Variants in MEGF11 observed in about 807,000 individuals in gnomAD.
MEGF11 encodes multiple EGF like domains 11.
In MEGF11, 126 loss-of-function variants were observed where a neutral mutation model predicts 146.6. The observed-to-expected ratio is 0.86, with a 90% CI of 0.74 to 1.00. MEGF11 has a LOEUF of 1.00. MEGF11 is among the 50% of genes least tolerant of loss of function. MEGF11 has a pLI of 0.00. For missense variants in MEGF11, 1,509 were observed against 1,521.2 expected (o/e 0.99, Z 0.13); for synonymous variants, 532 against 583.4 (o/e 0.91, Z 1.27).
chr15:66,240,025 G>A (rs1396117160), intron 1 of MEGF11, among the ~76,000 whole-genome samples: 1 of 152,174 alleles, frequency 6.6e-6, no homozygotes. Flanking sequence ...AGTGGCGGCT[G>A]GCATTCGCTT....
intron 23 of MEGF11, 71 bp from the exon 24 acceptor site, chr15:65,906,212 TTC>T (rs2078623033): frequency 2.0e-5 from 24 of 1,184,088 alleles, no homozygotes; most frequent in East Asian, 1.3e-4. Context: ...GTGTTCTTCT[TTC>T]TTTTCTTGCT....
chr15:65,975,786 A>G (rs1418092407), intron 7 of MEGF11, among the ~76,000 whole-genome samples: 1 of 152,238 alleles, frequency 6.6e-6, no homozygotes, highest in Non-Finnish European at 1.5e-5. Context: ...TGCCTTAAAC[A>G]GGGGGCACTT....
chr15:66,233,469 C>T (rs550571723), intron 1 of MEGF11, among the ~76,000 whole-genome samples: 5 of 152,168 alleles, frequency 3.3e-5, no homozygotes, highest in Admixed American at 3.3e-4. Context: ...CTCCTGACCT[C>T]AAGTGATCCG....
At chr15:65,920,239 G>A (rs1306947595) in intron 15 of MEGF11, among the ~76,000 whole-genome samples, 1 of 152,222 alleles carries the variant, frequency 6.6e-6, no homozygotes, top group African/African-American at 2.4e-5. Context: ...TGGCAGGCTG[G>A]CTGATTTGGG....
intron 4 of MEGF11, among the ~76,000 whole-genome samples, chr15:66,102,086 C>G (rs1327256763): frequency 6.6e-6 from 1 of 151,644 alleles, no homozygotes; most frequent in East Asian, 2.0e-4. Context: ...GCAATCACAT[C>G]CAGCCACTGG....
rs145620589 is a variant in MEGF11 at position 66,162,154 on chromosome 15, T to C, written c.-8-33743A>G. 5.3e-5 allele frequency among the ~76,000 whole-genome samples: 8 copies of C among 152,214 alleles called. No individual in the cohort carries two copies. In the East Asian group the frequency reaches 1.5e-3, roughly 29 times the overall value. On this transcript the variant is annotated intron_variant, in intron 1 of 25. Transcript: ENST00000395614. ...ACAAACAAGTGCTGGGGAGCAAAGA[T>C]GGGATCAGGGCCAACCACCCTGAGA...
Position 66,094,516 on chromosome 15 carries a change from GAGGAAGAACC to G in MEGF11, c.302-32_302-23del, listed in dbSNP as rs2086457052. ...AGGGCTGAGGGGACATGGGGAGAGG[GAGGAAGAACC>G]AGAACAAACAGTGAAAACCAACCAT... On this transcript the variant is annotated intron_variant, in intron 4 of 25. Coordinates refer to ENST00000395614, the MANE Select transcript of MEGF11 (RefSeq NM_001385028.1). 2.6e-6 allele frequency: 4 copies of G among 1,546,038 alleles called. No individual in the cohort carries two copies. The African/African-American group carries it at 5.5e-5, about 21-fold the overall frequency.
At chr15:65,902,879 A>G (rs1454721870) in intron 24 of MEGF11, among the ~76,000 whole-genome samples, 1 of 152,210 alleles carries the variant, frequency 6.6e-6, no homozygotes, top group Non-Finnish European at 1.5e-5. Context: ...AGAGAGAGGC[A>G]GTGACTTTCC....
chr15:66,183,315 C>T (rs2090603226), intron 1 of MEGF11, among the ~76,000 whole-genome samples: 1 of 152,020 alleles, frequency 6.6e-6, no homozygotes, highest in South Asian at 2.1e-4. Context: ...ACCTGGCCAA[C>T]ATGGTGAAAC....
chr15:65,953,656 C>A (rs1379295766), intron 10 of MEGF11, among the ~76,000 whole-genome samples: 2 of 152,188 alleles, frequency 1.3e-5, no homozygotes, highest in Non-Finnish European at 2.9e-5. Flanking sequence ...CCCACCTGCC[C>A]CCTAAGTCCT....
chr15:66,046,977 G>A (rs1597026622), intron 5 of MEGF11, among the ~76,000 whole-genome samples: 1 of 152,330 alleles, frequency 6.6e-6, no homozygotes, highest in South Asian at 2.1e-4. Flanking sequence ...CTTTCAGGAA[G>A]TGATATTGTC....
chr15:66,166,083 G>A (rs2090089409), intron 1 of MEGF11, among the ~76,000 whole-genome samples: 1 of 152,084 alleles, frequency 6.6e-6, no homozygotes, highest in Non-Finnish European at 1.5e-5. Context: ...ACATCAGCAG[G>A]GCCCTCACCC....
At chr15:66,043,969 T>C (rs769162545) in intron 5 of MEGF11, among the ~76,000 whole-genome samples, 19 of 152,330 alleles carry the variant, frequency 1.2e-4, no homozygotes, top group Middle Eastern at 6.8e-3. Flanking sequence ...ATATTTGAAA[T>C]ATTCCTCAAT....
intron 24 of MEGF11, among the ~76,000 whole-genome samples, chr15:65,904,308 A>G (rs2078567498): frequency 6.6e-6 from 1 of 152,166 alleles, no homozygotes; most frequent in Admixed American, 6.5e-5. Flanking sequence ...ACGAAATAGA[A>G]CTGTTCTTTG....
chr15:66,208,626 A>T (rs12903259), intron 1 of MEGF11, among the ~76,000 whole-genome samples: 14 of 152,096 alleles, frequency 9.2e-5, no homozygotes, highest in African/African-American at 3.4e-4. Context: ...TCATGCCTGT[A>T]ATCTCAGCAC....
At chr15:66,080,812 G>A (rs1218761982) in intron 5 of MEGF11, among the ~76,000 whole-genome samples, 1 of 152,210 alleles carries the variant, frequency 6.6e-6, no homozygotes, top group African/African-American at 2.4e-5. Context: ...CCAGTGTGTG[G>A]GGCTGACACA....
intron 1 of MEGF11, among the ~76,000 whole-genome samples, chr15:66,129,290 A>G (rs1181876100): frequency 6.6e-6 from 1 of 152,230 alleles, no homozygotes; most frequent in African/African-American, 2.4e-5. Context: ...CTCCTGCCTC[A>G]GAGAACTTCC....
chr15:66,136,161 G>A (rs1284181305), intron 1 of MEGF11, among the ~76,000 whole-genome samples: 1 of 152,224 alleles, frequency 6.6e-6, no homozygotes, highest in African/African-American at 2.4e-5. Flanking sequence ...CAAATAGGAA[G>A]GGTGAGAGAA....
At chr15:66,195,982 G>T (rs1238744781) in intron 1 of MEGF11, among the ~76,000 whole-genome samples, 1 of 152,206 alleles carries the variant, frequency 6.6e-6, no homozygotes, top group Non-Finnish European at 1.5e-5. Flanking sequence ...ACGAGTAGGA[G>T]TTAACCAGAG....
Sources: allele counts gnomAD v4.1 joint callset (sites outside exome capture counted in the v4.1 genomes callset), GRCh38; gene constraint gnomAD v4.1.1; transcripts MANE v1.5; gene names NCBI Gene and HGNC (gene_info 2026-07-23, HGNC 2026-07-21).